Variants in KSR1 observed in about 807,000 individuals in gnomAD.
KSR1 encodes the protein kinase suppressor of ras 1, also known as kinase suppressor of ras.
Under a neutral mutation model 92.9 loss-of-function variants are expected in KSR1, and 35 were observed. That is an observed-to-expected ratio of 0.38 (90% confidence interval 0.29 to 0.50). KSR1 has a LOEUF of 0.50. KSR1 is among the 20% of genes least tolerant of loss of function. The pLI, the probability that KSR1 is intolerant of heterozygous loss-of-function variation, is 0.94. For missense variants in KSR1, 972 were observed against 1,158.5 expected, an observed-to-expected ratio of 0.84 and a Z score of 2.34; for synonymous variants, 467 against 472.6, an observed-to-expected ratio of 0.99 and a Z score of 0.15.
At chr17:27,472,541 G>A (rs953897748) in intron 1 of KSR1, among the ~76,000 whole-genome samples, 3 of 152,208 alleles carry the variant, frequency 2.0e-5, no homozygotes, top group African/African-American at 7.2e-5. Context: ...GGGCCCCGTG[G>A]CTCATGCCTG....
At chr17:27,597,235 G>C (rs1598112596) in intron 9 of KSR1, 33 bp from the exon 10 acceptor site, 2 of 1,553,496 alleles carry the variant, frequency 1.3e-6, no homozygotes, top group Non-Finnish European at 1.7e-6. Flanking sequence ...GGCCAGGACA[G>C]CCCTGCCATT....
At chr17:27,473,860 A>C (rs913122479) in intron 1 of KSR1, among the ~76,000 whole-genome samples, 1 of 152,126 alleles carries the variant, frequency 6.6e-6, no homozygotes, top group African/African-American at 2.4e-5. Context: ...CTGGTGGCTT[A>C]TGAGGAGAGG....
intron 1 of KSR1, among the ~76,000 whole-genome samples, chr17:27,526,081 T>TTTC (rs2070278170): frequency 5.7e-5 from 5 of 87,114 alleles, no homozygotes; most frequent in Admixed American, 1.2e-4. Context: ...TCTTTCTTTC[T>TTTC]TTCTTTCTTT....
intron 1 of KSR1, among the ~76,000 whole-genome samples, chr17:27,546,568 G>A (rs1465856003): frequency 6.6e-6 from 1 of 152,170 alleles, no homozygotes; most frequent in African/African-American, 2.4e-5. Context: ...CACCAGGAAG[G>A]GGAGAGGCGG....
At chr17:27,474,571 C>T (rs943520991) in intron 1 of KSR1, among the ~76,000 whole-genome samples, 7 of 152,138 alleles carry the variant, frequency 4.6e-5, no homozygotes, top group Admixed American at 2.0e-4. Flanking sequence ...ATAATGGGGT[C>T]GTTTTTCATA....
intron 1 of KSR1, among the ~76,000 whole-genome samples, chr17:27,479,350 C>T (rs1192556419): frequency 1.3e-5 from 2 of 152,182 alleles, no homozygotes; most frequent in Non-Finnish European, 2.9e-5. Flanking sequence ...GAGTGCCAGA[C>T]CCACTGCCAA....
At chr17:27,515,560 A>G (rs2069756354) in intron 1 of KSR1, among the ~76,000 whole-genome samples, 1 of 150,186 alleles carries the variant, frequency 6.7e-6, no homozygotes, top group Non-Finnish European at 1.5e-5. Context: ...TTTGCCTCTC[A>G]TATAATGGTC....
At chr17:27,490,735 C>G (rs113034512) in intron 1 of KSR1, among the ~76,000 whole-genome samples, 1 of 152,216 alleles carries the variant, frequency 6.6e-6, no homozygotes, top group East Asian at 1.9e-4. Flanking sequence ...CTGTAAATTA[C>G]CATCATTATT....
chr17:27,518,063 A>G (rs1293377152), intron 1 of KSR1, among the ~76,000 whole-genome samples: 1 of 152,264 alleles, frequency 6.6e-6, no homozygotes, highest in South Asian at 2.1e-4. Flanking sequence ...TTCAGACAGC[A>G]TCTGTCTCAG....
Position 27,602,043 on chromosome 17 carries a change from G to A in KSR1, c.1510+642G>A, listed in dbSNP as rs548969824. 5 of 896,144 alleles carry A rather than the reference G, an allele frequency of 5.6e-6. 1 individual carries two copies. In the South Asian group the frequency reaches 7.7e-5, roughly 14 times the overall value. 55.5% of individuals were successfully genotyped at this position (896,144 alleles called of 1,614,324 possible). Reference sequence around the variant, plus strand: ...ACCTTTTCATTCCTGCCCCTAAAGTGCTTGAGATCAGTGCTTTTTACTGTA... The same window carrying A: ...ACCTTTTCATTCCTGCCCCTAAAGTACTTGAGATCAGTGCTTTTTACTGTA... On this transcript the variant is annotated intron_variant, in intron 11 of 20. Coordinates refer to ENST00000644974, the MANE Select transcript of KSR1 (RefSeq NM_001394583.1).
intron 3 of KSR1, among the ~76,000 whole-genome samples, chr17:27,580,454 T>TC (rs1275133038): frequency 2.0e-5 from 3 of 151,942 alleles, no homozygotes; most frequent in African/African-American, 7.3e-5. Context: ...GGCTAATTCA[T>TC]CCCCCCTATT....
At chr17:27,540,401 C>A (rs774865427) in intron 1 of KSR1, among the ~76,000 whole-genome samples, 1 of 152,228 alleles carries the variant, frequency 6.6e-6, no homozygotes, top group African/African-American at 2.4e-5. Flanking sequence ...TGGCCGTTCT[C>A]ACCCCTGGCC....
chr17:27,457,830 T>G (rs1040438085), intron 1 of KSR1, among the ~76,000 whole-genome samples: 27 of 152,122 alleles, frequency 1.8e-4, no homozygotes, highest in African/African-American at 6.3e-4. Flanking sequence ...CTCACCATCT[T>G]GCCCTGCCAC....
rs144164463 is a variant in KSR1 at position 27,571,463 on chromosome 17, CCTCT to C, written c.373-6017_373-6014del. Among the ~76,000 whole-genome samples the C allele has an allele frequency of 3.0e-3, 460 of 152,018 alleles. 2 individuals are homozygous for C. The highest frequency in any genetic ancestry group is 0.01 in the African/African-American group (430 of 41,500). On this transcript the variant is annotated intron_variant, in intron 2 of 20. Transcript: ENST00000644974. ...GCCATAGAAACCTTCTCCACTTGCT[CCTCT>C]CTCTCTCTCTCCTTCCAGCCCCGCT...
chr17:27,561,005 G>A (rs1403053596), intron 2 of KSR1, among the ~76,000 whole-genome samples: 1 of 152,228 alleles, frequency 6.6e-6, no homozygotes, highest in Admixed American at 6.5e-5. Context: ...GCAAGTGGTG[G>A]ACTGGCATGC....
intron 1 of KSR1, among the ~76,000 whole-genome samples, chr17:27,470,240 GTTT>G (rs546302787): frequency 5.2e-5 from 6 of 114,382 alleles, no homozygotes; most frequent in African/African-American, 2.0e-4. Flanking sequence ...TTTTGTTTGT[GTTT>G]TTTTTTTTTT....
Position 27,504,095 on chromosome 17 carries a change from T to G in KSR1, c.232-46473T>G, listed in dbSNP as rs566920139. On this transcript the variant is annotated intron_variant, in intron 1 of 20. Transcript: ENST00000644974. ...TTTCCTATAGTGAAGATGTTGTGCT[T>G]GGCCCCGTGGGAAGTATAGAGACCC... Among the ~76,000 whole-genome samples the G allele has an allele frequency of 2.0e-3, 310 of 152,318 alleles. 1 individual carries two copies. The highest frequency in any genetic ancestry group is 7.7e-3 in the South Asian group (37 of 4,826).
intron 20 of KSR1, chr17:27,622,199 G>C (rs2074243779): frequency 1.9e-6 from 1 of 537,678 alleles, no homozygotes; most frequent in East Asian, 3.3e-5. Context: ...AGTCTGGGCA[G>C]CTTCTAACTA....
intron 1 of KSR1, among the ~76,000 whole-genome samples, chr17:27,460,626 G>T (rs1472142741): frequency 6.6e-6 from 1 of 152,172 alleles, no homozygotes; most frequent in Non-Finnish European, 1.5e-5. Context: ...AGCCGCAGGG[G>T]GTCAGAGGGG....
Sources: allele counts gnomAD v4.1 joint callset (sites outside exome capture counted in the v4.1 genomes callset), GRCh38; gene constraint gnomAD v4.1.1; transcripts MANE v1.5; gene names NCBI Gene and HGNC (gene_info 2026-07-23, HGNC 2026-07-21).